ABTB3: variants seen among roughly 807,000 people sequenced by gnomAD.
ABTB3 encodes ankyrin repeat- and BTB/POZ domain-containing protein 3.
chr12:107,415,361 A>G, the ABTB3 span, among the ~76,000 whole-genome samples: 1 of 152,146 alleles, frequency 6.6e-6, no homozygotes, highest in Non-Finnish European at 1.5e-5. Flanking sequence ...CCTCCAGCAG[A>G]GAAGAACAGT....
chr12:107,447,427 C>A, the ABTB3 span, among the ~76,000 whole-genome samples: 1 of 152,184 alleles, frequency 6.6e-6, no homozygotes, highest in East Asian at 1.9e-4. Flanking sequence ...CAGGCTTGAG[C>A]TACCTTGCCT....
the ABTB3 span, among the ~76,000 whole-genome samples, chr12:107,420,187 G>A: frequency 1.3e-5 from 2 of 152,076 alleles, no homozygotes; most frequent in African/African-American, 4.8e-5. Context: ...TCCAGTGGGG[G>A]GATTTCCGAT....
At chr12:107,574,125 AGG>A in the ABTB3 span, among the ~76,000 whole-genome samples, 1 of 152,214 alleles carries the variant, frequency 6.6e-6, no homozygotes, top group Admixed American at 6.5e-5. Flanking sequence ...ATGAGAATCC[AGG>A]TGGAGACAGA....
At chr12:107,327,567 C>T in the ABTB3 span, among the ~76,000 whole-genome samples, 330 of 152,242 alleles carry the variant, frequency 2.2e-3, no homozygotes, top group African/African-American at 7.6e-3. Context: ...TTATTTTTTC[C>T]AGTCTCTTTC....
At chr12:107,377,671 G>A in the ABTB3 span, among the ~76,000 whole-genome samples, 12 of 152,112 alleles carry the variant, frequency 7.9e-5, no homozygotes, top group East Asian at 1.9e-4. Context: ...CTGAGCTACT[G>A]TAAACATACA....
At chr12:107,499,398 T>C in the ABTB3 span, among the ~76,000 whole-genome samples, 4 of 151,854 alleles carry the variant, frequency 2.6e-5, no homozygotes, top group Non-Finnish European at 5.9e-5. Flanking sequence ...GGTGTGTGCC[T>C]GTGTGCAAAC....
chr12:107,450,415 CCT>C, the ABTB3 span, among the ~76,000 whole-genome samples: 1 of 152,168 alleles, frequency 6.6e-6, no homozygotes, highest in Non-Finnish European at 1.5e-5. Context: ...AGACTCCATC[CCT>C]CGATGGAGTG....
chr12:107,409,600 G>A, the ABTB3 span, among the ~76,000 whole-genome samples: 1 of 152,178 alleles, frequency 6.6e-6, no homozygotes, highest in East Asian at 1.9e-4. Context: ...ACTAACACAG[G>A]AACAGAAAAC....
At chr12:107,506,245 T>C in the ABTB3 span, among the ~76,000 whole-genome samples, 13 of 152,178 alleles carry the variant, frequency 8.5e-5, no homozygotes, top group African/African-American at 3.1e-4. Context: ...TAATCTTGAA[T>C]AGGTGGAGGG....
chr12:107,604,793 T>A, the ABTB3 span, among the ~76,000 whole-genome samples: 1 of 152,212 alleles, frequency 6.6e-6, no homozygotes, highest in African/African-American at 2.4e-5. Flanking sequence ...GAAATCAGTA[T>A]ATCAGAGAGA....
chr12:107,450,972 C>A, the ABTB3 span, among the ~76,000 whole-genome samples: 1 of 151,794 alleles, frequency 6.6e-6, no homozygotes, highest in African/African-American at 2.4e-5. Flanking sequence ...TGTGCTCCTT[C>A]AATATGTGTT....
the ABTB3 span, among the ~76,000 whole-genome samples, chr12:107,344,829 A>G: frequency 1.3e-5 from 2 of 152,252 alleles, no homozygotes; most frequent in Non-Finnish European, 2.9e-5. Flanking sequence ...GACTTAATTT[A>G]ATATTTCTGT....
At chr12:107,326,572 A>C in the ABTB3 span, among the ~76,000 whole-genome samples, 1 of 152,124 alleles carries the variant, frequency 6.6e-6, no homozygotes, top group Admixed American at 6.5e-5. Flanking sequence ...CTTCCTATGC[A>C]CAAAACACAT....
At chr12:107,615,716 C>T in the ABTB3 span, among the ~76,000 whole-genome samples, 1 of 152,230 alleles carries the variant, frequency 6.6e-6, no homozygotes, top group Non-Finnish European at 1.5e-5. Context: ...AGTGACATGT[C>T]CTCATTGGAG....
chr12:107,561,193 C>T, the ABTB3 span, among the ~76,000 whole-genome samples: 25 of 152,306 alleles, frequency 1.6e-4, no homozygotes, highest in Non-Finnish European at 1.9e-4. Context: ...CCGCCCTCTC[C>T]TTGCACAGCC....
the ABTB3 span, among the ~76,000 whole-genome samples, chr12:107,634,641 G>T: frequency 1.3e-5 from 2 of 152,184 alleles, no homozygotes; most frequent in African/African-American, 4.8e-5. Context: ...AGTGGGAAGA[G>T]GTCAACGTGA....
At chr12:107,597,985 A>C in the ABTB3 span, among the ~76,000 whole-genome samples, 1 of 152,380 alleles carries the variant, frequency 6.6e-6, no homozygotes, top group Non-Finnish European at 1.5e-5. Context: ...CATATGGCCT[A>C]CAAGCCTAAA....
chr12:107,640,289 T>G, the ABTB3 span: 1 of 1,415,426 alleles, frequency 7.1e-7, no homozygotes, highest in Admixed American at 1.9e-5. Flanking sequence ...AAAGCTACCT[T>G]TTTTTCCCTT....
At chr12:107,432,175 A>G in the ABTB3 span, among the ~76,000 whole-genome samples, 3 of 152,138 alleles carry the variant, frequency 2.0e-5, no homozygotes, top group African/African-American at 7.2e-5. Context: ...CAGAGCGTGT[A>G]TGACCTCCCT....
Sources: allele counts gnomAD v4.1 joint callset (sites outside exome capture counted in the v4.1 genomes callset), GRCh38; gene constraint gnomAD v4.1.1; transcripts MANE v1.5; gene names NCBI Gene and HGNC (gene_info 2026-07-23, HGNC 2026-07-21).